Variants in ERBIN observed in about 807,000 individuals in gnomAD.
The protein encoded by ERBIN is erbb2 interacting protein, also known as densin-180-like protein.
Under a neutral mutation model 158.4 loss-of-function variants are expected in ERBIN, and 60 were observed. That is an observed-to-expected ratio of 0.38 (90% confidence interval 0.31 to 0.47). ERBIN has a LOEUF of 0.47. Ranked by LOEUF, ERBIN falls within the 20% of genes least tolerant of loss-of-function variation. ERBIN has a pLI of 0.99. For synonymous variants in ERBIN, 594 were observed against 557.2 expected (o/e 1.07, Z -0.93); for missense variants, 1,610 against 1,648.0 (o/e 0.98, Z 0.40).
chr5:66,043,905 T>C (rs939071708), intron 16 of ERBIN, among the ~76,000 whole-genome samples: 1 of 152,214 alleles, frequency 6.6e-6, no homozygotes, highest in Non-Finnish European at 1.5e-5. Context: ...AATGGAAATA[T>C]TTGAGTCTGA....
intron 8 of ERBIN, 41 bp downstream of exon 8, chr5:66,021,426 T>A: frequency 7.5e-7 from 1 of 1,328,284 alleles, no homozygotes; most frequent in Non-Finnish European, 1.1e-6. Flanking sequence ...GTTCTTATAT[T>A]TAATGAAGAA....
chr5:66,012,145 T>C lies in ERBIN; in HGVS notation c.386+18T>C. On this transcript the variant is annotated intron_variant, in intron 5 of 25. Coordinates refer to ENST00000284037, the MANE Select transcript of ERBIN (RefSeq NM_001253697.2). ...ATTTCCAAGTAAGTTCTCAGGTGAA[T>C]TATAAATTACTTTTGTGAATAAAAC... The C allele has an allele frequency of 1.3e-6, 2 of 1,508,682 alleles. No individual in the cohort carries two copies. The highest frequency in any genetic ancestry group is 1.8e-6 in the Non-Finnish European group (2 of 1,107,776). The allele number at this position is 1,508,682 out of a possible 1,614,324, so 93.5% of individuals were successfully genotyped here.
chr5:66,042,761 T>C (rs370644465), intron 15 of ERBIN, among the ~76,000 whole-genome samples: 2 of 152,230 alleles, frequency 1.3e-5, no homozygotes, highest in African/African-American at 4.8e-5. Flanking sequence ...CATAGCACCT[T>C]TTAGAGCACT....
intron 4 of ERBIN, among the ~76,000 whole-genome samples, chr5:66,006,697 GA>G (rs1446291267): frequency 1.3e-5 from 2 of 151,464 alleles, no homozygotes; most frequent in Admixed American, 6.6e-5. Flanking sequence ...AAATTTACAA[GA>G]AAAAAACAAC....
At chr5:66,059,114 A>C (rs1018600998) in intron 21 of ERBIN, among the ~76,000 whole-genome samples, 6 of 152,162 alleles carry the variant, frequency 3.9e-5, no homozygotes, top group Admixed American at 6.5e-5. Context: ...TTGAATCTAT[A>C]AATTACCTTG....
chr5:66,009,751 C>A (rs1319102442), intron 4 of ERBIN, among the ~76,000 whole-genome samples: 2 of 152,150 alleles, frequency 1.3e-5, no homozygotes, highest in African/African-American at 4.8e-5. Context: ...TGTCTCCCAT[C>A]TTCAAAAGAA....
chr5:66,061,928 G>T (rs999808084), intron 21 of ERBIN, among the ~76,000 whole-genome samples: 1 of 152,200 alleles, frequency 6.6e-6, no homozygotes, highest in Non-Finnish European at 1.5e-5. Flanking sequence ...TAGTCTGATG[G>T]GCTTCCCTTT....
rs1276905645 is a variant in ERBIN at position 66,081,004 on chromosome 5, A to G, written c.*2474A>G. 1 of 152,038 alleles carries G rather than the reference A, an allele frequency of 6.6e-6. No homozygotes were observed. The highest frequency in any genetic ancestry group is 1.5e-5 in the Non-Finnish European group (1 of 67,870). The allele number at this position is 152,038 out of a possible 1,614,324, so 9.4% of individuals were successfully genotyped here. A position where few individuals can be genotyped will look rare whatever the true frequency, so the allele number is the denominator to read the frequency against. On this transcript the variant is annotated 3_prime_UTR_variant, in exon 26 of 26. Coordinates refer to ENST00000284037, the MANE Select transcript of ERBIN (RefSeq NM_001253697.2). ...AATAAAGTTTCAAAATTTGAATAAA[A>G]TAATTAAATTTTTTGAGGAAGTGGA... is the stretch of plus-strand genomic sequence containing the variant.
chr5:66,026,132 G>T (rs1426782213), intron 12 of ERBIN, among the ~76,000 whole-genome samples, 155 bp downstream of exon 12: 2 of 151,598 alleles, frequency 1.3e-5, no homozygotes, highest in African/African-American at 4.8e-5. Context: ...TTTAGAAGAG[G>T]TTCTTAAATG....
At chr5:66,057,635 T>A (rs1759750989) in intron 21 of ERBIN, among the ~76,000 whole-genome samples, 1 of 151,932 alleles carries the variant, frequency 6.6e-6, no homozygotes. Flanking sequence ...TGTGCCATGT[T>A]GGTGTGCTGC....
At chr5:66,033,726 T>A (rs1361189673) in intron 14 of ERBIN, among the ~76,000 whole-genome samples, 1 of 152,026 alleles carries the variant, frequency 6.6e-6, no homozygotes, top group Non-Finnish European at 1.5e-5. Flanking sequence ...ATAAAGAAAT[T>A]GATAGCTAGC....
rs146013417 is a variant in ERBIN at position 66,018,649 on chromosome 5, G to T, written c.534-2673G>T. 3.2e-3 allele frequency among the ~76,000 whole-genome samples: 380 copies of T among 119,428 alleles called. 15 individuals carry two copies. In the East Asian group the frequency reaches 0.074, roughly 23 times the overall value. 78.3% of individuals were successfully genotyped at this position (119,428 alleles called of 152,430 possible). On this transcript the variant is annotated intron_variant, in intron 7 of 25. Transcript: ENST00000284037. ...ATAGATTTTTTTTTATTTATTTTTTGTGTGTGTGATGAAGTCTTGCTCTGT... is the reference window on the plus strand; with the variant it reads ...ATAGATTTTTTTTTATTTATTTTTTTTGTGTGTGATGAAGTCTTGCTCTGT...
chr5:66,029,637 G>A (rs987416250), intron 14 of ERBIN, among the ~76,000 whole-genome samples: 3 of 151,880 alleles, frequency 2.0e-5, no homozygotes, highest in Non-Finnish European at 2.9e-5. Flanking sequence ...ACAGAGTCTC[G>A]CTCTGCCGCC....
chr5:66,077,855 AT>A (rs1228674866), intron 25 of ERBIN, among the ~76,000 whole-genome samples: 1 of 151,400 alleles, frequency 6.6e-6, no homozygotes, highest in Non-Finnish European at 1.5e-5. Context: ...TTTCTGAACC[AT>A]TTGGGTTTCA....
intron 1 of ERBIN, among the ~76,000 whole-genome samples, chr5:65,930,793 T>C (rs1359412086): frequency 6.6e-6 from 1 of 152,252 alleles, no homozygotes; most frequent in African/African-American, 2.4e-5. Flanking sequence ...CTCTGTTCCT[T>C]CTTCTCTGTA....
chr5:65,983,841 G>A (rs1210681328), intron 1 of ERBIN, among the ~76,000 whole-genome samples: 2 of 152,158 alleles, frequency 1.3e-5, no homozygotes, highest in African/African-American at 4.8e-5. Flanking sequence ...AGGATGACAA[G>A]GGGAGGACCT....
At chr5:66,018,731 G>T (rs1755339509) in intron 7 of ERBIN, among the ~76,000 whole-genome samples, 1 of 145,542 alleles carries the variant, frequency 6.9e-6, no homozygotes, top group African/African-American at 2.5e-5. Flanking sequence ...CTATCTCCCG[G>T]GTCCACGCCA....
Position 66,044,119 on chromosome 5 carries a change from CTTATT to C in ERBIN, c.1429-11_1429-7del, listed in dbSNP as rs766170505. The C allele has an allele frequency of 6.7e-7, 1 of 1,502,994 alleles. No individual in the cohort carries two copies. The highest frequency in any genetic ancestry group is 1.4e-5 in the African/African-American group (1 of 70,188). 93.1% of individuals were successfully genotyped at this position (1,502,994 alleles called of 1,614,324 possible). On this transcript the variant is annotated splice_polypyrimidine_tract_variant and intron_variant, in intron 16 of 25. Transcript: ENST00000284037. ...AGAAATATTTGTACTTCATATTTTA[CTTATT>C]TTATTTCTCTAGGAGGGAAATTTAA... is the stretch of plus-strand genomic sequence containing the variant.
intron 5 of ERBIN, 27 bp downstream of exon 5, chr5:66,012,154 A>T (rs893652244): frequency 1.4e-6 from 2 of 1,441,864 alleles, no homozygotes; most frequent in Admixed American, 2.1e-5. Context: ...ATTATAAATT[A>T]CTTTTGTGAA....
Sources: gnomAD v4.1 joint callset for allele counts (sites outside exome capture counted in the v4.1 genomes callset) on GRCh38, gnomAD v4.1.1 for gene constraint, MANE v1.5 for transcripts, NCBI Gene and HGNC (gene_info 2026-07-23, HGNC 2026-07-21) for gene names.